The following RTN4 variants were observed in gnomAD, a reference collection of about 807,000 sequenced individuals.
RTN4 encodes the protein reticulon 4.
In RTN4, 32 loss-of-function variants were observed where a neutral mutation model predicts 90.4. That is an observed-to-expected ratio of 0.35 (90% CI 0.27 to 0.48). The LOEUF (loss-of-function observed/expected upper bound fraction) is 0.48, where lower values mean the gene tolerates loss of function less well. Among genes scored for constraint, RTN4 ranks in the 20% least tolerant of loss-of-function variants. The pLI is 0.99. For missense variants in RTN4, 1,706 were observed against 1,430.2 expected (o/e 1.19, Z -3.11); for synonymous variants, 629 against 552.5 (o/e 1.14, Z -1.94).
At chr2:55,109,480 G>C (rs1288382202) in intron 1 of RTN4, among the ~76,000 whole-genome samples, 3 of 152,104 alleles carry the variant, frequency 2.0e-5, no homozygotes, top group Admixed American at 1.3e-4. Context: ...ACGTAGCTAG[G>C]TAGGCCTTGA....
At chr2:55,069,728 C>T (rs1668453187) in intron 2 of RTN4, among the ~76,000 whole-genome samples, 2 of 152,184 alleles carry the variant, frequency 1.3e-5, no homozygotes, top group African/African-American at 2.4e-5. Context: ...CCTGGGGGCA[C>T]CTGCAGGGCC....
chr2:55,050,097 C>T lies in RTN4; in HGVS notation c.204G>A (p.Val68=). 3 of 1,489,092 alleles carry T rather than the reference C, an allele frequency of 2.0e-6. No individual in the cohort carries two copies. The highest frequency in any genetic ancestry group is 2.7e-6 in the Non-Finnish European group (3 of 1,124,614). The allele number at this position is 1,489,092 out of a possible 1,614,324, so 92.2% of individuals were successfully genotyped here. A position where few individuals can be genotyped will look rare whatever the true frequency, so the allele number is the denominator to read the frequency against. ...GCGCGCCGGCGGCAGGGGCGGTGGG[C>T]ACTGGGGCCGCGGACAGCCCGGCGG... ...KPAAGLSAAP[V]PTAPAAGAPL... Residue 68 remains valine (V), a synonymous_variant, in exon 1 of 9, where the codon GTG becomes GTA. Coordinates refer to ENST00000337526, the MANE Select transcript of RTN4 (RefSeq NM_020532.5). The surrounding 1 kb of genome is among the most constrained non-coding windows in gnomAD (Gnocchi z 4.6).
chr2:55,051,933 G>A (rs959088617), upstream of RTN4, among the ~76,000 whole-genome samples: 4 of 152,112 alleles, frequency 2.6e-5, no homozygotes, highest in African/African-American at 9.7e-5. Flanking sequence ...CTTTTGGACA[G>A]TGCTAGTCTA....
At chr2:55,085,568 G>T (rs922441596) in intron 1 of RTN4, among the ~76,000 whole-genome samples, 2 of 152,160 alleles carry the variant, frequency 1.3e-5, no homozygotes, top group African/African-American at 4.8e-5. Flanking sequence ...TTTACTCAAA[G>T]CTGACAATTT....
chr2:55,122,386 GCA>G, the RTN4 span, among the ~76,000 whole-genome samples: 1 of 152,172 alleles, frequency 6.6e-6, no homozygotes, highest in Non-Finnish European at 1.5e-5. Flanking sequence ...ACCAAGGTTT[GCA>G]CACATGGCCC....
At chr2:55,058,413 T>C (rs1027467988) in intron 2 of RTN4, among the ~76,000 whole-genome samples, 1 of 152,252 alleles carries the variant, frequency 6.6e-6, no homozygotes, top group African/African-American at 2.4e-5. Context: ...GGTGATAATG[T>C]TAAATGTACC....
chr2:55,041,683 A>G (rs558146984), intron 1 of RTN4, among the ~76,000 whole-genome samples: 260 of 152,214 alleles, frequency 1.7e-3, no homozygotes, highest in African/African-American at 5.7e-3. Context: ...TTCACTCTCT[A>G]GAACAAAACA....
At chr2:55,088,388 T>C (rs1485428778) in intron 1 of RTN4, among the ~76,000 whole-genome samples, 1 of 152,238 alleles carries the variant, frequency 6.6e-6, no homozygotes, top group Non-Finnish European at 1.5e-5. Flanking sequence ...TTCTATTAAC[T>C]GTTAGGGATT....
At chr2:55,049,718 C>T (rs767854316) in intron 1 of RTN4, 27 bp downstream of exon 1, 1 of 1,401,678 alleles carries the variant, frequency 7.1e-7, no homozygotes, top group South Asian at 1.5e-5. Context: ...CGAGGGGCGG[C>T]GCGAAGCGAG....
chr2:55,075,884 G>A (rs1018353475), intron 2 of RTN4, among the ~76,000 whole-genome samples: 23 of 152,080 alleles, frequency 1.5e-4, no homozygotes, highest in African/African-American at 4.3e-4. Flanking sequence ...TTGGCAAGCC[G>A]CATGTAAAAG....
rs112527400 is a variant in RTN4 at position 55,085,143 on chromosome 2, A to G, written c.-213-4504T>C. On this transcript the variant is annotated intron_variant, in intron 1 of 3. Coordinates refer to the RTN4 transcript ENST00000427710. Reference sequence around the variant, plus strand: ...GGAGAAGACATTTTAGGTTTTTCCTATTGCACACTGTATTAATTAGGGTTC... The same window carrying G: ...GGAGAAGACATTTTAGGTTTTTCCTGTTGCACACTGTATTAATTAGGGTTC... Among the ~76,000 whole-genome samples, 1,310 of 152,266 alleles carry G rather than the reference A, an allele frequency of 8.6e-3. 18 individuals are homozygous for G. The highest frequency in any genetic ancestry group is 0.03 in the African/African-American group (1,226 of 41,540).
intron 3 of RTN4, among the ~76,000 whole-genome samples, chr2:54,995,421 G>A (rs535844875): frequency 6.6e-6 from 1 of 152,178 alleles, no homozygotes; most frequent in East Asian, 1.9e-4. Flanking sequence ...AGCAAATACT[G>A]TGGTAGGAGC....
chr2:55,026,953 C>G lies in RTN4; in HGVS notation c.1146G>C (p.Glu382Asp), dbSNP rs200087263. 6.2e-7 allele frequency: 1 copy of G among 1,613,438 alleles called. No individual in the cohort carries two copies. The highest frequency in any genetic ancestry group is 8.5e-7 in the Non-Finnish European group (1 of 1,179,864). The change falls in exon 3 of 9, where the codon GAG becomes GAC. Residue 382 changes from glutamate to aspartate, a missense_variant. Glu to Asp is a conservative substitution (Grantham distance 45). Transcript: ENST00000337526. Reference sequence around the variant, plus strand: ...CAAATGGTTTGAAGTCTGCATATTCCTCCCTCATAGGAGCTTCCACTGCAA... The same window carrying G: ...CAAATGGTTTGAAGTCTGCATATTCGTCCCTCATAGGAGCTTCCACTGCAA... The part of the protein sequence containing the change: ...KRVAVEAPMR[E>D]EYADFKPFER...
In RTN4 at chr2:54,972,536, G is replaced by A. The variant is rs1677143741; in HGVS notation, c.*620C>T. 1 of 152,642 alleles carries A rather than the reference G, an allele frequency of 6.6e-6. No individual in the cohort carries two copies. Among genetic ancestry groups the A allele is most frequent in the Non-Finnish European group, 1.5e-5 (1 of 68,056 alleles). The allele number at this position is 152,642 out of a possible 1,614,324, so 9.5% of individuals were successfully genotyped here. A position where few individuals can be genotyped will look rare whatever the true frequency, so the allele number is the denominator to read the frequency against. On this transcript the variant is annotated 3_prime_UTR_variant, in exon 9 of 9. Transcript: ENST00000337526. ...AACTACACATGTATAACCAATGACT[G>A]ACTCTGAAATATCAAGCACTGTGGG...
chr2:55,135,352 G>A, the RTN4 span, among the ~76,000 whole-genome samples: 2 of 151,674 alleles, frequency 1.3e-5, no homozygotes, highest in Middle Eastern at 3.4e-3. Context: ...GATTACACGT[G>A]CACACCACCA....
chr2:55,101,283 C>T (rs1667848536), intron 1 of RTN4, among the ~76,000 whole-genome samples: 1 of 151,950 alleles, frequency 6.6e-6, no homozygotes, highest in African/African-American at 2.4e-5. Context: ...ATACTTATTA[C>T]TTTTCCAATC....
chr2:55,097,637 A>G (rs1048086788), intron 1 of RTN4, among the ~76,000 whole-genome samples: 1 of 152,128 alleles, frequency 6.6e-6, no homozygotes, highest in Admixed American at 6.6e-5. Flanking sequence ...GACGCCACCC[A>G]GGCCTCTAAG....
upstream of RTN4, among the ~76,000 whole-genome samples, chr2:55,115,754 C>T (rs1439992315): frequency 1.3e-5 from 2 of 152,188 alleles, no homozygotes; most frequent in Non-Finnish European, 2.9e-5. Flanking sequence ...TCTCCTCTTA[C>T]CACATATGGG....
chr2:55,025,833 C>A lies in RTN4; in HGVS notation c.2266G>T (p.Val756Phe), dbSNP rs765590622. The A allele has an allele frequency of 3.1e-6, 5 of 1,613,606 alleles. No individual in the cohort carries two copies. Among genetic ancestry groups the A allele is most frequent in the South Asian group, 2.2e-5 (2 of 91,054 alleles). Reference protein sequence around the residue: ...DLFSDDSIPDVPQKQDETVML... With the variant: ...DLFSDDSIPDFPQKQDETVML... The stretch of plus-strand genomic sequence containing the variant: ...ACAGTTTCATCTTGTTTTTGTGGAA[C>A]GTCAGGTATTGAATCATCACTAAAT... The change falls in exon 3 of 9, where the codon GTT (valine) becomes TTT (phenylalanine). Residue 756 changes from valine to phenylalanine, a missense_variant. By Grantham distance (50) the Val-to-Phe change is conservative. Transcript: ENST00000337526.
Sources: gnomAD v4.1 joint callset for allele counts (sites outside exome capture counted in the v4.1 genomes callset) on GRCh38, gnomAD v4.1.1 for gene constraint, Gnocchi (gnomAD v3.1) non-coding constraint, MANE v1.5 for transcripts, NCBI Gene and HGNC (gene_info 2026-07-23, HGNC 2026-07-21) for gene names.